PEX5: variants seen among roughly 807,000 people sequenced by gnomAD.
PEX5 encodes PTS1 receptor.
PEX5 carries 52 observed loss-of-function variants against 82.9 expected under a neutral mutation model. The ratio of observed to expected loss-of-function variants is 0.63; its 90% CI spans 0.50 to 0.79. The LOEUF is 0.79. Ranked by LOEUF, PEX5 falls within the 30% of genes least tolerant of loss-of-function variation. The pLI, the probability that PEX5 is intolerant of heterozygous loss-of-function variation, is 0.00. For missense variants in PEX5, 719 were observed against 815.2 expected, an observed-to-expected ratio of 0.88 and a Z score of 1.44; for synonymous variants, 300 against 318.8, an observed-to-expected ratio of 0.94 and a Z score of 0.63.
intron 10 of PEX5, among the ~76,000 whole-genome samples, chr12:7,205,850 C>G (rs1459299618): frequency 6.6e-6 from 1 of 152,136 alleles, no homozygotes; most frequent in African/African-American, 2.4e-5. Flanking sequence ...ATGAAGACAC[C>G]TGAAGAGCAT....
Position 7,199,104 on chromosome 12 carries a change from C to A in PEX5, c.542C>A (p.Thr181Asn). Residue 181 changes from threonine to asparagine, a missense_variant, in exon 6 of 16, where the codon ACC becomes AAC. Coordinates refer to ENST00000675855, the MANE Select transcript of PEX5 (RefSeq NM_001351132.2). The stretch of plus-strand genomic sequence containing the variant: ...CTGGGAGAACCTGAGGGAACAGCCA[C>A]CGATCGCTGGTGAGTTCAGATACCT... Reference protein sequence around the residue: ...LWLGEPEGTATDRWYDEYHPE... With the variant: ...LWLGEPEGTANDRWYDEYHPE... The A allele has an allele frequency of 6.3e-7, 1 of 1,588,676 alleles. No homozygotes were observed. Among genetic ancestry groups the A allele is most frequent in the Non-Finnish European group, 8.6e-7 (1 of 1,162,236 alleles).
chr12:7,200,749 G>C (rs987248976), intron 6 of PEX5, among the ~76,000 whole-genome samples: 1 of 151,934 alleles, frequency 6.6e-6, no homozygotes, highest in Non-Finnish European at 1.5e-5. Context: ...AACCAGTCAG[G>C]CATGGCGGCG....
At position 7,203,486 on chromosome 12, in the gene PEX5, C is replaced by T. The variant is rs767306549; in HGVS notation, c.901C>T (p.Arg301Trp). The change falls in exon 10 of 16, where the codon CGG (arginine) becomes TGG (tryptophan). Residue 301 changes from arginine (R) to tryptophan (W), a missense_variant. Physicochemically the swap from Arg to Trp is moderately radical, Grantham distance 101. Coordinates refer to ENST00000675855, the MANE Select transcript of PEX5 (RefSeq NM_001351132.2). ...GGCAGAGTTGGAGGAGATGGCAAAA[C>T]GGGATGCTGAGGCCCACCCCTGGCT... is the stretch of plus-strand genomic sequence containing the variant. ...LQAELEEMAK[R>W]DAEAHPWLSD... The T allele has an allele frequency of 3.5e-5, 56 of 1,613,640 alleles. No homozygotes were observed. The South Asian group carries it at 4.5e-4, about 13-fold the overall frequency.
intron 3 of PEX5, 58 bp from the exon 4 acceptor site, chr12:7,191,168 G>C: frequency 6.2e-7 from 1 of 1,606,012 alleles, no homozygotes; most frequent in East Asian, 2.2e-5. Flanking sequence ...AGTGGGTCCT[G>C]CCTCTTGCTG....
At chr12:7,196,116 TTA>T (rs1348301529) in intron 5 of PEX5, among the ~76,000 whole-genome samples, 29 of 114,774 alleles carry the variant, frequency 2.5e-4, no homozygotes, top group African/African-American at 3.6e-4. Context: ...TCTTATTACA[TTA>T]TGTTATATAT....
chr12:7,209,113 T>C lies in PEX5; in HGVS notation c.1503T>C (p.Ser501=). The change falls in exon 14 of 16, where the codon AGT becomes AGC. Residue 501 remains serine, a synonymous_variant. Transcript: ENST00000675855. The part of the protein sequence containing the change: ...QCGLGVLFNL[S]GEYDKAVDCF... Reference sequence around the variant, plus strand: ...GCTTGGGAGTCCTTTTCAACCTGAGTGGGGAGTATGACAAGGCCGTGGACT... The same window carrying C: ...GCTTGGGAGTCCTTTTCAACCTGAGCGGGGAGTATGACAAGGCCGTGGACT... The C allele has an allele frequency of 2.5e-6, 4 of 1,613,714 alleles. No homozygotes were observed. Among genetic ancestry groups the C allele is most frequent in the Non-Finnish European group, 3.4e-6 (4 of 1,179,920 alleles).
chr12:7,194,880 T>C (rs1941815648), intron 5 of PEX5, among the ~76,000 whole-genome samples: 1 of 152,226 alleles, frequency 6.6e-6, no homozygotes, highest in Non-Finnish European at 1.5e-5. Flanking sequence ...CTGCTTTTGT[T>C]ATAGGTTTGC....
At chr12:7,209,913 G>T in intron 15 of PEX5, 73 bp downstream of exon 15, 1 of 1,601,714 alleles carries the variant, frequency 6.2e-7, no homozygotes, top group South Asian at 1.1e-5. Context: ...CTTATTCTTA[G>T]ATCCTGTTTG....
At chr12:7,199,618 ACAGCAACCAT>A (rs1434720392) in intron 6 of PEX5, among the ~76,000 whole-genome samples, 2 of 151,354 alleles carry the variant, frequency 1.3e-5, no homozygotes, top group Non-Finnish European at 3.0e-5. Flanking sequence ...CTACACAGAC[ACAGCAACCAT>A]CGGATTTCTC....
At chr12:7,197,336 A>C (rs1400099069) in intron 5 of PEX5, among the ~76,000 whole-genome samples, 1 of 122,564 alleles carries the variant, frequency 8.2e-6, no homozygotes, top group Non-Finnish European at 1.7e-5. Flanking sequence ...ACAATGTAAT[A>C]ATTATATATG....
intron 1 of PEX5, chr12:7,189,988 C>A (rs1435980414): frequency 4.7e-6 from 7 of 1,501,618 alleles, no homozygotes; most frequent in Non-Finnish European, 6.1e-6. Context: ...TAGGTATGGT[C>A]GGGCTGTTTT....
chr12:7,191,094 C>G (rs887438408), intron 3 of PEX5, 132 bp from the exon 4 acceptor site: 1 of 1,195,274 alleles, frequency 8.4e-7, no homozygotes, highest in South Asian at 1.2e-5. Context: ...AAGACAGTTT[C>G]TCTTTATGTG....
intron 6 of PEX5, among the ~76,000 whole-genome samples, chr12:7,200,160 C>T (rs1456406217): frequency 6.6e-6 from 1 of 151,264 alleles, no homozygotes; most frequent in Admixed American, 6.6e-5. Context: ...AGAGGGTCTC[C>T]TCACTTCTCA....
Position 7,190,484 on chromosome 12 carries a change from G to A in PEX5, c.107G>A (p.Arg36Lys), listed in dbSNP as rs2135878731. ...AAGGCCCTTCGGCAGGAGGGATTGA[G>A]GCCTGGCCCCTGGCCCCCCGGAGCC... Reference protein sequence around the residue: ...QDKALRQEGLRPGPWPPGAPA... With the variant: ...QDKALRQEGLKPGPWPPGAPA... The change falls in exon 2 of 16, where the codon AGG becomes AAG. Residue 36 changes from arginine (R) to lysine (K), a missense_variant. Coordinates refer to ENST00000675855, the MANE Select transcript of PEX5 (RefSeq NM_001351132.2). 1 of 1,613,944 alleles carries A rather than the reference G, an allele frequency of 6.2e-7. No individual in the cohort carries two copies. Among genetic ancestry groups the A allele is most frequent in the South Asian group, 1.1e-5 (1 of 91,076 alleles).
rs1565707721 is a variant in PEX5 at position 7,203,219 on chromosome 12, C to CCGAACCAACCGAACCCAA, written c.847-213_847-212insCGAACCAACCGAACCCAA. On this transcript the variant is annotated intron_variant, in intron 9 of 15. Coordinates refer to ENST00000675855, the MANE Select transcript of PEX5 (RefSeq NM_001351132.2). ...CACTGCACTGCACTGCACTGCACTGCACTACATTACATTTCTGGCCATCAC... is the reference window on the plus strand; with the variant it reads ...CACTGCACTGCACTGCACTGCACTGCCGAACCAACCGAACCCAAACTACATTACATTTCTGGCCATCAC... Among the ~76,000 whole-genome samples the CCGAACCAACCGAACCCAA allele has an allele frequency of 9.6e-5, 8 of 83,238 alleles. 1 individual carries two copies. The highest frequency in any genetic ancestry group is 2.8e-4 in the African/African-American group (8 of 28,174). 54.6% of individuals were successfully genotyped at this position (83,238 alleles called of 152,430 possible).
intron 5 of PEX5, among the ~76,000 whole-genome samples, chr12:7,195,249 G>A (rs1321232729): frequency 6.6e-6 from 1 of 152,188 alleles, no homozygotes; most frequent in African/African-American, 2.4e-5. Context: ...GGTATTTGGT[G>A]TCTAGGTTAT....
chr12:7,208,028 A>G lies in PEX5; in HGVS notation c.1129A>G (p.Thr377Ala), dbSNP rs2136230526. Residue 377 changes from threonine (T) to alanine (A), a missense_variant, in exon 12 of 16, where the codon ACC becomes GCC. Transcript: ENST00000675855. ...KHMEAWQYLG[T>A]TQAENEQELL... ...CCTCTAGGCTTGGCAGTATCTGGGT[A>G]CCACCCAGGCAGAGAATGAACAAGA... 2 of 1,613,532 alleles carry G rather than the reference A, an allele frequency of 1.2e-6. No homozygotes were observed. The highest frequency in any genetic ancestry group is 1.7e-6 in the Non-Finnish European group (2 of 1,179,452).
At position 7,217,543 on chromosome 12, in the gene PEX5, C is replaced by A. The variant is rs145263157; in HGVS notation, c.*20-859C>A. ...AAATGACAGAGCAGGAACTGCAAAG[C>A]CTCTCAAAAGCAAGTCTCTGGATCT... is the stretch of plus-strand genomic sequence containing the variant. On this transcript the variant is annotated intron_variant, in intron 17 of 17. Coordinates refer to the PEX5 transcript ENST00000455147. Among the ~76,000 whole-genome samples the A allele has an allele frequency of 3.6e-3, 555 of 152,336 alleles. 5 individuals are homozygous for A. The highest frequency in any genetic ancestry group is 0.017 in the Middle Eastern group (5 of 294).
chr12:7,200,378 C>T (rs1331710997), intron 6 of PEX5, among the ~76,000 whole-genome samples: 88 of 150,482 alleles, frequency 5.8e-4, no homozygotes, highest in Non-Finnish European at 1.1e-3. Context: ...GGATGGCGGC[C>T]GGGCAGAGAC....
Sources: gnomAD v4.1 joint callset for allele counts (sites outside exome capture counted in the v4.1 genomes callset) on GRCh38, gnomAD v4.1.1 for gene constraint, MANE v1.5 for transcripts, NCBI Gene and HGNC (gene_info 2026-07-23, HGNC 2026-07-21) for gene names.